The following CSGALNACT1 variants were observed in gnomAD, a reference collection of about 807,000 sequenced individuals.
CSGALNACT1 encodes the protein beta4GalNAcT-1.
CSGALNACT1 carries 52 observed loss-of-function variants against 51.0 expected under a neutral mutation model. That is an observed-to-expected ratio of 1.02 (90% confidence interval 0.82 to 1.29). CSGALNACT1 has a LOEUF of 1.29. CSGALNACT1 is among the 50% of genes most tolerant of loss of function. The probability of loss-of-function intolerance (pLI) is 0.00; values close to 1 mark genes in which losing one functional copy is unlikely to be tolerated. For synonymous variants in CSGALNACT1, 341 were observed against 254.4 expected (o/e 1.34, Z -3.24); for missense variants, 935 against 679.2 (o/e 1.38, Z -4.19).
intron 1 of CSGALNACT1, among the ~76,000 whole-genome samples, chr8:19,706,098 C>G (rs1242611399): frequency 6.6e-6 from 1 of 152,314 alleles, no homozygotes; most frequent in East Asian, 1.9e-4. Context: ...TTCTCCACCT[C>G]CCAATCATAC....
At chr8:19,646,756 C>T (rs1431743037) in intron 1 of CSGALNACT1, among the ~76,000 whole-genome samples, 1 of 152,072 alleles carries the variant, frequency 6.6e-6, no homozygotes, top group Non-Finnish European at 1.5e-5. Context: ...TTACAGTTAA[C>T]AATTGACAAA....
At chr8:19,645,085 T>C (rs1458374311) in intron 1 of CSGALNACT1, among the ~76,000 whole-genome samples, 3 of 152,216 alleles carry the variant, frequency 2.0e-5, no homozygotes, top group Non-Finnish European at 4.4e-5. Context: ...TCAATAACCT[T>C]GATTTTGATA....
upstream of CSGALNACT1, among the ~76,000 whole-genome samples, chr8:19,603,628 T>A (rs1232346973): frequency 6.6e-6 from 1 of 152,216 alleles, no homozygotes; most frequent in Non-Finnish European, 1.5e-5. Flanking sequence ...AGAGTTGAAA[T>A]AAGCTTATAA....
intron 7 of CSGALNACT1, among the ~76,000 whole-genome samples, chr8:19,419,435 T>G (rs2057519121): frequency 6.6e-6 from 1 of 152,214 alleles, no homozygotes; most frequent in Admixed American, 6.5e-5. Flanking sequence ...GCAGTTGGAC[T>G]AGACTTAGAG....
chr8:19,637,330 T>C (rs142093245), intron 1 of CSGALNACT1, among the ~76,000 whole-genome samples: 47 of 152,370 alleles, frequency 3.1e-4, no homozygotes, highest in African/African-American at 1.1e-3. Flanking sequence ...TTTTCTCAAT[T>C]TGGAGTTGGT....
intron 6 of CSGALNACT1, among the ~76,000 whole-genome samples, chr8:19,421,798 G>T (rs1022881855): frequency 6.6e-6 from 1 of 152,224 alleles, no homozygotes; most frequent in Non-Finnish European, 1.5e-5. Context: ...ATCTGGGAGT[G>T]AGCTTGGATT....
intron 3 of CSGALNACT1, among the ~76,000 whole-genome samples, chr8:19,539,714 C>T (rs533747826): frequency 6.6e-6 from 1 of 152,278 alleles, no homozygotes; most frequent in African/African-American, 2.4e-5. Flanking sequence ...CAATATTTAT[C>T]CTTGAGAAAA....
At chr8:19,651,318 G>T (rs2057782685) in intron 1 of CSGALNACT1, among the ~76,000 whole-genome samples, 1 of 151,732 alleles carries the variant, frequency 6.6e-6, no homozygotes, top group African/African-American at 2.4e-5. Context: ...CTCTTACATG[G>T]GTAAACAGCC....
chr8:19,742,085 T>C (rs768079671), intron 1 of CSGALNACT1, among the ~76,000 whole-genome samples: 5 of 152,196 alleles, frequency 3.3e-5, no homozygotes, highest in Non-Finnish European at 7.3e-5. Context: ...GCAACTGGCA[T>C]ACACTAGGCA....
At chr8:19,725,386 T>C (rs1440404845) in intron 1 of CSGALNACT1, among the ~76,000 whole-genome samples, 1 of 152,112 alleles carries the variant, frequency 6.6e-6, no homozygotes, top group Non-Finnish European at 1.5e-5. Flanking sequence ...AATACCTGAA[T>C]TTCATTAAAG....
At chr8:19,542,144 T>C (rs2085337381) in intron 3 of CSGALNACT1, among the ~76,000 whole-genome samples, 1 of 151,426 alleles carries the variant, frequency 6.6e-6, no homozygotes, top group Non-Finnish European at 1.5e-5. Flanking sequence ...GTGAGCTCCT[T>C]GATTTAGACA....
chr8:19,415,519 T>G (rs1304965087), intron 8 of CSGALNACT1, among the ~76,000 whole-genome samples: 3 of 152,244 alleles, frequency 2.0e-5, no homozygotes, highest in Admixed American at 6.5e-5. Context: ...ACAGGGAATC[T>G]GAGTGGTTTC....
chr8:19,458,454 T>A lies in CSGALNACT1; in HGVS notation c.823A>T (p.Lys275Ter), dbSNP rs2064612992. Residue 275 changes from lysine to a stop codon, truncating the protein, a stop_gained, in exon 5 of 10, where the codon AAG becomes TAG. Transcript: ENST00000454498. LOFTEE classifies it high-confidence loss of function. The stretch of plus-strand genomic sequence containing the variant: ...AAATTCTGCATGAACTGCCGGAACT[T>A]GTCCACCCTTTTTGCTAGAGGCACG... 1.9e-6 allele frequency: 3 copies of A among 1,614,096 alleles called. No individual in the cohort carries two copies. Among genetic ancestry groups the A allele is most frequent in the Non-Finnish European group, 2.5e-6 (3 of 1,180,048 alleles).
intron 3 of CSGALNACT1, among the ~76,000 whole-genome samples, chr8:19,509,031 A>T (rs2077919806): frequency 6.6e-6 from 1 of 152,244 alleles, no homozygotes; most frequent in African/African-American, 2.4e-5. Flanking sequence ...GGGCATTTTT[A>T]ATAGAAATAA....
intron 1 of CSGALNACT1, among the ~76,000 whole-genome samples, chr8:19,650,082 C>T (rs993229989): frequency 5.9e-5 from 9 of 152,154 alleles, no homozygotes; most frequent in African/African-American, 2.2e-4. Flanking sequence ...GCATCACCAA[C>T]AATCTTGTTA....
chr8:19,641,193 A>G (rs1405995799), intron 1 of CSGALNACT1, among the ~76,000 whole-genome samples: 2 of 145,166 alleles, frequency 1.4e-5, no homozygotes, highest in Admixed American at 7.1e-5. Context: ...TCTCCTCCCA[A>G]CAAGACCTTC....
intron 3 of CSGALNACT1, among the ~76,000 whole-genome samples, chr8:19,584,369 A>T (rs2046205374): frequency 6.6e-6 from 1 of 152,202 alleles, no homozygotes; most frequent in South Asian, 2.1e-4. Flanking sequence ...TGATTTTCAC[A>T]TTAGAATGTC....
At chr8:19,405,841 C>T (rs2054037395) in exon 10 of CSGALNACT1, 1 of 1,614,164 alleles carries the variant, frequency 6.2e-7, no homozygotes. Flanking sequence ...TATCTCGTGC[C>T]TGAACACCAG....
At chr8:19,539,644 C>T (rs994437168) in intron 3 of CSGALNACT1, among the ~76,000 whole-genome samples, 2 of 152,176 alleles carry the variant, frequency 1.3e-5, no homozygotes, top group African/African-American at 4.8e-5. Context: ...AGGTGGCAGT[C>T]CTACTAAATA....
Sources: gnomAD v4.1 joint callset for allele counts (sites outside exome capture counted in the v4.1 genomes callset) on GRCh38, gnomAD v4.1.1 for gene constraint, MANE v1.5 for transcripts, NCBI Gene and HGNC (gene_info 2026-07-23, HGNC 2026-07-21) for gene names.